Variants in GALNT12 observed in about 807,000 individuals in gnomAD.
The protein encoded by GALNT12 is UDP-GalNAc:polypeptide N-acetylgalactosaminyltransferase 12.
GALNT12 carries 45 observed loss-of-function variants against 55.5 expected under a neutral mutation model. The ratio of observed to expected loss-of-function variants is 0.81; its 90% CI spans 0.64 to 1.04. The LOEUF is 1.04. Ranked by LOEUF, GALNT12 falls within the 50% of genes least tolerant of loss-of-function variation. GALNT12 has a pLI of 0.00. For synonymous variants in GALNT12, 304 were observed against 312.2 expected, an observed-to-expected ratio of 0.97 and a Z score of 0.28; for missense variants, 709 against 754.8, an observed-to-expected ratio of 0.94 and a Z score of 0.71.
chr9:98,811,357 G>C (rs1835491621), intron 1 of GALNT12, among the ~76,000 whole-genome samples: 1 of 152,210 alleles, frequency 6.6e-6, no homozygotes, highest in African/African-American at 2.4e-5. Context: ...AGTTTCCATA[G>C]AATACGGGGA....
rs2118505120 is a variant in GALNT12, at chr9:98,846,051, A to G, written c.1533A>G (p.Ala511=). ...CTGAGGGCTGCATTGCTGTGGAAGC[A>G]GGAATGGATACCCTTATCATGCATC... ...HQPEGCIAVE[A]GMDTLIMHLC... Residue 511 remains alanine, a synonymous_variant, in exon 9 of 10, where the codon GCA becomes GCG. Coordinates refer to ENST00000375011, the MANE Select transcript of GALNT12 (RefSeq NM_024642.5). 6.2e-7 allele frequency: 1 copy of G among 1,614,210 alleles called. No individual in the cohort carries two copies. The highest frequency in any genetic ancestry group is 8.5e-7 in the Non-Finnish European group (1 of 1,180,030).
chr9:98,847,695 A>AAT (rs200769481), intron 9 of GALNT12, among the ~76,000 whole-genome samples: 94 of 151,846 alleles, frequency 6.2e-4, no homozygotes, highest in East Asian at 4.4e-3. Context: ...TCATGCCCTA[A>AAT]ATATATATAT....
rs775898220 is a variant in GALNT12, at chr9:98,849,098, C to G, written c.*6C>G. On this transcript the variant is annotated 3_prime_UTR_variant, in exon 10 of 10. Coordinates refer to ENST00000375011, the MANE Select transcript of GALNT12 (RefSeq NM_024642.5). Reference sequence around the variant, plus strand: ...TCAAAGAGCGCATGTTATGAAGCCTCGTGTATCAAGGAGCCCATCGAAGGA... The same window carrying G: ...TCAAAGAGCGCATGTTATGAAGCCTGGTGTATCAAGGAGCCCATCGAAGGA... 1.2e-6 allele frequency: 2 copies of G among 1,614,090 alleles called. No individual in the cohort carries two copies. Among genetic ancestry groups the G allele is most frequent in the Non-Finnish European group, 8.5e-7 (1 of 1,179,982 alleles).
intron 1 of GALNT12, among the ~76,000 whole-genome samples, chr9:98,816,475 G>A (rs1017321127): frequency 6.6e-6 from 1 of 151,048 alleles, no homozygotes; most frequent in African/African-American, 2.4e-5. Flanking sequence ...CTAAAGGATT[G>A]TTCTCTACAT....
chr9:98,810,087 C>G (rs1380373396), intron 1 of GALNT12, among the ~76,000 whole-genome samples: 2 of 152,146 alleles, frequency 1.3e-5, no homozygotes, highest in Non-Finnish European at 2.9e-5. Flanking sequence ...TCAGAGTGGT[C>G]AGTAGGGTCA....
At chr9:98,816,685 C>T (rs1426985642) in intron 1 of GALNT12, among the ~76,000 whole-genome samples, 3 of 148,432 alleles carry the variant, frequency 2.0e-5, no homozygotes, top group Non-Finnish European at 4.4e-5. Context: ...GGATCTGGCT[C>T]TGTCACCCAG....
At chr9:98,833,955 T>G (rs1836066371) in intron 4 of GALNT12, among the ~76,000 whole-genome samples, 1 of 152,170 alleles carries the variant, frequency 6.6e-6, no homozygotes, top group Non-Finnish European at 1.5e-5. Flanking sequence ...ATTTCCTAGA[T>G]TTTTAGGATA....
At position 98,849,753 on chromosome 9, in the gene GALNT12, G is replaced by T; in HGVS notation, c.*661G>T. ...AGAGAACAATTTGCTTTACTAAGCT[G>T]AGTCAACTTGAGAGCGAACTTCTAA... is the stretch of plus-strand genomic sequence containing the variant. On this transcript the variant is annotated 3_prime_UTR_variant, in exon 10 of 10. Coordinates refer to ENST00000375011, the MANE Select transcript of GALNT12 (RefSeq NM_024642.5). 1 of 397,150 alleles carries T rather than the reference G, an allele frequency of 2.5e-6. No homozygotes were observed. The highest frequency in any genetic ancestry group is 4.4e-6 in the Non-Finnish European group (1 of 225,834). 24.6% of individuals were successfully genotyped at this position (397,150 alleles called of 1,614,324 possible). A position where few individuals can be genotyped will look rare whatever the true frequency, so the allele number is the denominator to read the frequency against.
chr9:98,825,166 T>C (rs776144979), intron 2 of GALNT12, among the ~76,000 whole-genome samples: 1 of 152,208 alleles, frequency 6.6e-6, no homozygotes, highest in Non-Finnish European at 1.5e-5. Context: ...TTTTATAATG[T>C]TTAAATGTTT....
At chr9:98,828,976 C>T (rs1008206204) in intron 3 of GALNT12, among the ~76,000 whole-genome samples, 3 of 150,670 alleles carry the variant, frequency 2.0e-5, no homozygotes, top group Admixed American at 6.6e-5. Flanking sequence ...ACTACAGGTG[C>T]GTGCCACCGC....
intron 6 of GALNT12, among the ~76,000 whole-genome samples, chr9:98,837,645 A>G (rs4490899): frequency 0.26 from 39,377 of 151,930 alleles, 5,323 homozygotes; most frequent in East Asian, 0.33. Flanking sequence ...GCACTTCAGC[A>G]CTACGACTGG....
chr9:98,814,359 T>C (rs1033748786), intron 1 of GALNT12, among the ~76,000 whole-genome samples: 7 of 152,130 alleles, frequency 4.6e-5, no homozygotes, highest in African/African-American at 1.7e-4. Flanking sequence ...ACAGAGGATA[T>C]GATTTGATTT....
intron 7 of GALNT12, among the ~76,000 whole-genome samples, chr9:98,843,142 A>C (rs1162607366): frequency 6.6e-6 from 1 of 152,134 alleles, no homozygotes; most frequent in Non-Finnish European, 1.5e-5. Flanking sequence ...AGTCTTGAAA[A>C]ATTTTCTTTG....
chr9:98,831,848 A>G lies in GALNT12; in HGVS notation c.808A>G (p.Asn270Asp). The change falls in exon 4 of 10, where the codon AAC (asparagine) becomes GAC (aspartate). Residue 270 changes from asparagine to aspartate, a missense_variant. This residue lies in a region of GALNT12 where 315 missense variants were observed against 288.6 expected (regional missense o/e 1.09). Coordinates refer to ENST00000375011, the MANE Select transcript of GALNT12 (RefSeq NM_024642.5). Reference protein sequence around the residue: ...IDWNTFEYLGNSGEPQIGGFD... With the variant: ...IDWNTFEYLGDSGEPQIGGFD... ...CTGGAACACCTTCGAATACCTGGGG[A>G]ACTCCGGGGAGCCCCAGATCGGCGG... 6.2e-7 allele frequency: 1 copy of G among 1,614,130 alleles called. No homozygotes were observed. Among genetic ancestry groups the G allele is most frequent in the South Asian group, 1.1e-5 (1 of 91,070 alleles).
At chr9:98,846,805 C>T (rs773090842) in intron 9 of GALNT12, among the ~76,000 whole-genome samples, 5 of 137,226 alleles carry the variant, frequency 3.6e-5, no homozygotes, top group South Asian at 4.4e-4. Flanking sequence ...TGCAGTCAGC[C>T]GAAATCATGC....
chr9:98,846,448 G>A (rs1017283029), intron 9 of GALNT12, among the ~76,000 whole-genome samples: 1 of 152,204 alleles, frequency 6.6e-6, no homozygotes, highest in Non-Finnish European at 1.5e-5. Context: ...TGCATTCAGA[G>A]ATGAAAGGGC....
rs7033393 is a variant in GALNT12, at chr9:98,835,118, C to T, written c.918-131C>T. The stretch of plus-strand genomic sequence containing the variant: ...TCCAGGCCCAGCCTAGTGTGGGGCA[C>T]AGAGGTGAAGGCGGGATATGCTTAG... On this transcript the variant is annotated intron_variant, in intron 4 of 9. Transcript: ENST00000375011. The T allele has an allele frequency of 1.4e-5, 11 of 771,486 alleles. No individual in the cohort carries two copies. The East Asian group carries it at 2.7e-4, about 19-fold the overall frequency. The allele number at this position is 771,486 out of a possible 1,614,324, so 47.8% of individuals were successfully genotyped here. A position where few individuals can be genotyped will look rare whatever the true frequency, so the allele number is the denominator to read the frequency against.
intron 7 of GALNT12, among the ~76,000 whole-genome samples, chr9:98,842,913 T>C (rs1001714126): frequency 6.6e-6 from 1 of 152,058 alleles, no homozygotes; most frequent in African/African-American, 2.4e-5. Context: ...CATTTTACAT[T>C]CTTTTTTCAT....
In GALNT12 at chr9:98,827,068, C is replaced by A. The variant is rs192029047; in HGVS notation, c.731+127C>A. The A allele has an allele frequency of 1.8e-3, 1,770 of 964,094 alleles. 33 individuals are homozygous for A. The Admixed American group carries it at 0.028, about 15-fold the overall frequency. The allele number at this position is 964,094 out of a possible 1,614,324, so 59.7% of individuals were successfully genotyped here. A position where few individuals can be genotyped will look rare whatever the true frequency, so the allele number is the denominator to read the frequency against. On this transcript the variant is annotated intron_variant, in intron 3 of 9. Transcript: ENST00000375011. ...GCTCAGCTGCTTCTCTGTCACTGGG[C>A]AGGAGAGCAGTCCCTGCTTAGTTCG...
Sources: allele counts gnomAD v4.1 joint callset (sites outside exome capture counted in the v4.1 genomes callset), GRCh38; gene constraint gnomAD v4.1.1; regional missense constraint gnomAD v4.1.1; transcripts MANE v1.5; gene names NCBI Gene and HGNC (gene_info 2026-07-23, HGNC 2026-07-21).